Variants in CLASP1 observed in about 807,000 individuals in gnomAD.
CLASP1 encodes the protein CLIP-associating protein 1.
In CLASP1, 38 loss-of-function variants were observed where a neutral mutation model predicts 192.3. That is an observed-to-expected ratio of 0.20 (90% CI 0.15 to 0.26). The LOEUF (loss-of-function observed/expected upper bound fraction) is 0.26, where lower values mean the gene tolerates loss of function less well. Among genes scored for constraint, CLASP1 ranks in the 10% least tolerant of loss-of-function variants. The pLI, the probability that CLASP1 is intolerant of heterozygous loss-of-function variation, is 1.00. For synonymous variants in CLASP1, 691 were observed against 712.8 expected (o/e 0.97, Z 0.49); for missense variants, 1,433 against 1,932.5 (o/e 0.74, Z 4.85).
At chr2:121,401,513 T>C in exon 28 of CLASP1, 1 of 1,608,240 alleles carries the variant, frequency 6.2e-7, no homozygotes, top group Non-Finnish European at 8.5e-7. Context: ...ACTTACCTTG[T>C]GACATCTAGA....
At chr2:121,363,563 T>C (rs1221992818) in intron 36 of CLASP1, among the ~76,000 whole-genome samples, 1 of 152,228 alleles carries the variant, frequency 6.6e-6, no homozygotes, top group African/African-American at 2.4e-5. Flanking sequence ...GAAAAGCTAC[T>C]TGAACGAGCC....
intron 8 of CLASP1, chr2:121,490,154 T>C (rs2093221696): frequency 5.7e-6 from 2 of 348,376 alleles, no homozygotes; most frequent in Non-Finnish European, 1.1e-5. Context: ...TTCATAACAA[T>C]CTTTCCCATG....
chr2:121,401,811 G>T, intron 27 of CLASP1, 57 bp downstream of exon 28: 1 of 795,364 alleles, frequency 1.3e-6, no homozygotes, highest in Non-Finnish European at 2.2e-6. Flanking sequence ...ACTGTTCATA[G>T]TACAGAAGGA....
At position 121,341,253 on chromosome 2, in the gene CLASP1, G is replaced by C. The variant is rs534104986; in HGVS notation, c.4531-306C>G. Reference sequence around the variant, plus strand: ...CAGCAGCTCATGGAGGAAGGGATACGGGGGCAGGGCCATTCATCTCAAGCA... The same window carrying C: ...CAGCAGCTCATGGAGGAAGGGATACCGGGGCAGGGCCATTCATCTCAAGCA... On this transcript the variant is annotated intron_variant, in intron 39 of 39. Transcript: ENST00000263710. Among the ~76,000 whole-genome samples, 732 of 152,262 alleles carry C rather than the reference G, an allele frequency of 4.8e-3. 7 individuals carry two copies. The highest frequency in any genetic ancestry group is 0.01 in the Middle Eastern group (3 of 294).
chr2:121,583,980 A>G (rs1203737579), intron 2 of CLASP1, among the ~76,000 whole-genome samples: 5 of 151,886 alleles, frequency 3.3e-5, no homozygotes, highest in East Asian at 1.9e-4. Flanking sequence ...ATGTGAGGAC[A>G]CAGCGTTTGT....
rs559149455 is a variant in CLASP1, at chr2:121,445,546, G to A, written c.1912+1791C>T. The A allele has an allele frequency of 1.4e-5, 15 of 1,054,140 alleles. No homozygotes were observed. The South Asian group carries it at 2.0e-4, about 14-fold the overall frequency. 65.3% of individuals were successfully genotyped at this position (1,054,140 alleles called of 1,614,324 possible). A position where few individuals can be genotyped will look rare whatever the true frequency, so the allele number is the denominator to read the frequency against. ...AGCTTTAATGCTACACTTTTGCAAAGATGTCATGTGTCAACCTAGGTAGCA... is the reference window on the plus strand; with the variant it reads ...AGCTTTAATGCTACACTTTTGCAAAAATGTCATGTGTCAACCTAGGTAGCA... On this transcript the variant is annotated intron_variant, in intron 19 of 39. Coordinates refer to ENST00000263710, the Ensembl canonical transcript of CLASP1.
chr2:121,579,772 C>G (rs1316262153), intron 2 of CLASP1, among the ~76,000 whole-genome samples: 3 of 152,176 alleles, frequency 2.0e-5, no homozygotes, highest in African/African-American at 7.2e-5. Flanking sequence ...CTAATAAACT[C>G]TGAACATTTG....
At chr2:121,394,856 G>T (rs556450453) in intron 30 of CLASP1, among the ~76,000 whole-genome samples, 2 of 152,288 alleles carry the variant, frequency 1.3e-5, no homozygotes, top group East Asian at 3.9e-4. Flanking sequence ...CTCCAGCCTG[G>T]GTGACAGAGC....
intron 35 of CLASP1, 59 bp from the exon 37 acceptor site, chr2:121,365,343 G>T: frequency 6.9e-7 from 1 of 1,457,410 alleles, no homozygotes. Flanking sequence ...ACAGGGGCTT[G>T]CTCAGTGGTG....
chr2:121,587,226 G>C (rs937470825), intron 2 of CLASP1, among the ~76,000 whole-genome samples: 7 of 151,512 alleles, frequency 4.6e-5, no homozygotes, highest in Admixed American at 3.3e-4. Flanking sequence ...GGGCAACGCG[G>C]CGAGACTCTG....
intron 14 of CLASP1, among the ~76,000 whole-genome samples, chr2:121,457,064 C>A (rs72969321): frequency 0.039 from 5,870 of 152,252 alleles, 159 homozygotes; most frequent in East Asian, 0.14. Flanking sequence ...AGTCTTTATT[C>A]CTCACACGTA....
In CLASP1 at chr2:121,363,477, T is replaced by C. The variant is rs576550891; in HGVS notation, c.4078-177A>G. Among the ~76,000 whole-genome samples, 21 of 152,272 alleles carry C rather than the reference T, an allele frequency of 1.4e-4. 1 individual carries two copies. The South Asian group carries it at 3.9e-3, about 29-fold the overall frequency. On this transcript the variant is annotated intron_variant, in intron 36 of 39. Transcript: ENST00000263710. ...TCAGCTTTACTTGACACTGGCTCTC[T>C]AGACATCAGCTCCATGAAGGCAGGC... is the stretch of plus-strand genomic sequence containing the variant.
At chr2:121,423,837 C>T (rs1380513337) in intron 22 of CLASP1, among the ~76,000 whole-genome samples, 3 of 152,182 alleles carry the variant, frequency 2.0e-5, no homozygotes, top group Admixed American at 1.3e-4. Flanking sequence ...AATAGGATTT[C>T]AAATCAAATC....
chr2:121,510,263 T>C (rs76826536), intron 7 of CLASP1, among the ~76,000 whole-genome samples: 6 of 150,116 alleles, frequency 4.0e-5, no homozygotes, highest in African/African-American at 1.5e-4. Flanking sequence ...AAACCAGAAG[T>C]TAGTTCTTTG....
intron 8 of CLASP1, among the ~76,000 whole-genome samples, chr2:121,478,919 C>A (rs1575283137): frequency 2.2e-5 from 1 of 45,948 alleles, no homozygotes; most frequent in Non-Finnish European, 4.6e-5. Context: ...ACACACCACA[C>A]ACACACCACA....
At chr2:121,499,951 ACT>A (rs2093676887) in intron 8 of CLASP1, among the ~76,000 whole-genome samples, 1 of 152,130 alleles carries the variant, frequency 6.6e-6, no homozygotes, top group Admixed American at 6.6e-5. Flanking sequence ...CTGTCTCACC[ACT>A]CTTATCTTAC....
At chr2:121,616,645 G>A (rs1315033700) in intron 1 of CLASP1, among the ~76,000 whole-genome samples, 2 of 152,164 alleles carry the variant, frequency 1.3e-5, no homozygotes, top group Non-Finnish European at 2.9e-5. Context: ...AATCTTTTCT[G>A]TATTAGGATG....
At chr2:121,530,598 C>T in intron 2 of CLASP1, 1 of 537,344 alleles carries the variant, frequency 1.9e-6, no homozygotes, top group Non-Finnish European at 3.3e-6. Context: ...GGGTGGAGTT[C>T]AAGAGCGCGC....
intron 37 of CLASP1, among the ~76,000 whole-genome samples, chr2:121,358,182 A>G (rs1367460425): frequency 6.6e-6 from 1 of 152,246 alleles, no homozygotes; most frequent in East Asian, 1.9e-4. Flanking sequence ...TTAAAAAGCA[A>G]AAACCTACAA....
Sources: allele counts gnomAD v4.1 joint callset (sites outside exome capture counted in the v4.1 genomes callset), GRCh38; gene constraint gnomAD v4.1.1; transcripts MANE v1.5; gene names NCBI Gene and HGNC (gene_info 2026-07-23, HGNC 2026-07-21).